Variants in TENM1 observed in about 807,000 individuals in gnomAD.
TENM1 encodes teneurin transmembrane protein 1.
TENM1 carries 35 observed loss-of-function variants against 174.8 expected under a neutral mutation model. That is an observed-to-expected ratio of 0.20 (90% CI 0.15 to 0.27). The LOEUF (loss-of-function observed/expected upper bound fraction) is 0.27. TENM1 is among the 10% of genes least tolerant of loss of function. The pLI is 1.00. For missense variants in TENM1, 1,633 were observed against 2,130.1 expected (o/e 0.77, Z 4.59); for synonymous variants, 781 against 798.7 (o/e 0.98, Z 0.37).
chrX:124,975,167 A>G, the TENM1 span, among the ~76,000 whole-genome samples: 3 of 109,830 alleles, frequency 2.7e-5, no homozygotes, highest in African/African-American at 9.9e-5. Context: ...AGTAATTTCA[A>G]ATTATCTTTT....
At chrX:125,045,601 A>C in the TENM1 span, among the ~76,000 whole-genome samples, 1 of 111,681 alleles carries the variant, frequency 9.0e-6, no homozygotes, top group Admixed American at 9.6e-5. Flanking sequence ...ATTCCAGGAA[A>C]ATTGTGAAAT....
chrX:124,454,900 A>G (rs1237444442), intron 22 of TENM1, among the ~76,000 whole-genome samples: 1 of 111,839 alleles, frequency 8.9e-6, no homozygotes, highest in Admixed American at 9.5e-5. Context: ...CATTGAATGG[A>G]TGTTAAAGTC....
At chrX:125,098,029 G>A in the TENM1 span, among the ~76,000 whole-genome samples, 2 of 112,064 alleles carry the variant, frequency 1.8e-5, no homozygotes, top group Non-Finnish European at 3.8e-5. Flanking sequence ...TTTGGGAGGC[G>A]GAGGCAGGCA....
the TENM1 span, among the ~76,000 whole-genome samples, chrX:125,123,435 A>AAAATG: frequency 9.3e-6 from 1 of 107,616 alleles, no homozygotes; most frequent in South Asian, 4.1e-4. Flanking sequence ...AAAATAAAAT[A>AAAATG]AAATAAAATA....
At chrX:124,950,121 A>G (rs1322695306) in intron 1 of TENM1, among the ~76,000 whole-genome samples, 1 of 111,021 alleles carries the variant, frequency 9.0e-6, no homozygotes, top group Non-Finnish European at 1.9e-5. Context: ...TATTCAACTC[A>G]ATTCATTAAT....
the TENM1 span, among the ~76,000 whole-genome samples, chrX:125,141,864 T>C: frequency 9.0e-6 from 1 of 110,904 alleles, no homozygotes; most frequent in Non-Finnish European, 1.9e-5. Context: ...AGAAAGGGTA[T>C]GAGCATTTGA....
chrX:125,179,138 C>T, the TENM1 span, among the ~76,000 whole-genome samples: 2 of 111,663 alleles, frequency 1.8e-5, no homozygotes, highest in South Asian at 7.6e-4. Flanking sequence ...GTTCTGTTGG[C>T]TCACCAAACT....
intron 27 of TENM1, among the ~76,000 whole-genome samples, chrX:124,403,526 A>C (rs1460116163): frequency 9.3e-6 from 1 of 107,369 alleles, no homozygotes; most frequent in Non-Finnish European, 1.9e-5. Flanking sequence ...GTCTCAAAAA[A>C]AAAAAAAGAA....
chrX:124,792,311 G>A (rs1326045326), intron 3 of TENM1, among the ~76,000 whole-genome samples: 1 of 111,830 alleles, frequency 8.9e-6, no homozygotes, highest in Non-Finnish European at 1.9e-5. Context: ...ATTTCCAGTA[G>A]GCATAGGTCG....
At chrX:124,868,795 A>G (rs2057054470) in intron 3 of TENM1, among the ~76,000 whole-genome samples, 1 of 111,759 alleles carries the variant, frequency 8.9e-6, no homozygotes, top group African/African-American at 3.3e-5. Flanking sequence ...AAAAAACCTA[A>G]TAATCCTATC....
rs949139790 is a variant in TENM1, at chrX:124,876,637, T to G, written c.535+17659A>C. On this transcript the variant is annotated intron_variant, in intron 3 of 31. Coordinates refer to ENST00000422452, the Ensembl canonical transcript of TENM1. ...ATTGAAATAATGTGTTCCTTAAAGA[T>G]GTAGCAAATTTTGCCTGTGACACTG... Among the ~76,000 whole-genome samples, 5 of 112,151 alleles carry G rather than the reference T, an allele frequency of 4.5e-5. No homozygotes were observed. In the East Asian group the frequency reaches 1.1e-3, roughly 25 times the overall value.
At chrX:124,772,175 G>A (rs1185848423) in intron 3 of TENM1, among the ~76,000 whole-genome samples, 6 of 108,653 alleles carry the variant, frequency 5.5e-5, no homozygotes, top group African/African-American at 2.0e-4. Flanking sequence ...TTGCTTTGTC[G>A]CCCAGACTGG....
At chrX:124,941,307 A>G (rs2058322663) in intron 1 of TENM1, among the ~76,000 whole-genome samples, 1 of 111,847 alleles carries the variant, frequency 8.9e-6, no homozygotes, top group Non-Finnish European at 1.9e-5. Flanking sequence ...TTTTTCATAT[A>G]CGATACTGTT....
the TENM1 span, among the ~76,000 whole-genome samples, chrX:125,042,381 T>A: frequency 9.0e-6 from 1 of 111,284 alleles, no homozygotes; most frequent in Non-Finnish European, 1.9e-5. Context: ...CCCTTACTTA[T>A]CTTAGTAGGT....
intron 22 of TENM1, among the ~76,000 whole-genome samples, chrX:124,480,940 A>G (rs1381035608): frequency 2.7e-5 from 3 of 111,777 alleles, no homozygotes; most frequent in African/African-American, 6.5e-5. Flanking sequence ...AAAGTTGACT[A>G]TCCTTCAACT....
chrX:124,405,295 G>A (rs773166442), intron 26 of TENM1, 29 bp from the exon 30 acceptor site: 1 of 1,131,800 alleles, frequency 8.8e-7, no homozygotes, highest in African/African-American at 1.8e-5. Context: ...AGGAGGAAGA[G>A]GGGGAAGGAA....
chrX:124,759,324 A>T (rs371119353), intron 3 of TENM1, among the ~76,000 whole-genome samples: 327 of 110,751 alleles, frequency 3.0e-3, no homozygotes, highest in African/African-American at 9.5e-3. Flanking sequence ...TAGTTTTTTA[A>T]AAAAAAAATT....
intron 3 of TENM1, among the ~76,000 whole-genome samples, chrX:124,762,766 T>C (rs2054451068): frequency 9.0e-6 from 1 of 111,488 alleles, no homozygotes; most frequent in African/African-American, 3.3e-5. Context: ...GTAAGGAAAA[T>C]GAGGCATGGA....
At chrX:124,963,832 GA>G, upstream of TENM1, 1 of 816,891 alleles carries the variant, frequency 1.2e-6, no homozygotes, top group Non-Finnish European at 1.8e-6. Context: ...AAGAGAAAGG[GA>G]AAAACACAAG....
Sources: allele counts gnomAD v4.1 joint callset (sites outside exome capture counted in the v4.1 genomes callset), GRCh38; gene constraint gnomAD v4.1.1; transcripts MANE v1.5; gene names NCBI Gene and HGNC (gene_info 2026-07-23, HGNC 2026-07-21).